The following RNF17 variants were observed in gnomAD, a reference collection of about 807,000 sequenced individuals.
RNF17 encodes spermatogenesis associated 23.
In RNF17, 31 loss-of-function variants were observed where a neutral mutation model predicts 200.5. The ratio of observed to expected loss-of-function variants is 0.15; its 90% CI spans 0.12 to 0.21. RNF17 has a LOEUF of 0.21. Ranked by LOEUF, RNF17 falls within the 10% of genes least tolerant of loss-of-function variation. RNF17 has a pLI of 1.00. For missense variants in RNF17, 1,628 were observed against 1,905.1 expected, an observed-to-expected ratio of 0.85 and a Z score of 2.71; for synonymous variants, 606 against 637.8, an observed-to-expected ratio of 0.95 and a Z score of 0.75.
intron 15 of RNF17, among the ~76,000 whole-genome samples, chr13:24,812,323 T>C (rs905607995): frequency 5.3e-5 from 8 of 151,366 alleles, no homozygotes; most frequent in African/African-American, 1.5e-4. Flanking sequence ...CTCTGAGCCA[T>C]GTGCGGGATA....
rs569639800 is a variant in RNF17, at chr13:24,840,419, G to A, written c.2483-1622G>A. 3.9e-5 allele frequency among the ~76,000 whole-genome samples: 6 copies of A among 152,256 alleles called. No individual in the cohort carries two copies. The East Asian group carries it at 1.2e-3, about 29-fold the overall frequency. On this transcript the variant is annotated intron_variant, in intron 18 of 35. Coordinates refer to ENST00000255324, the MANE Select transcript of RNF17 (RefSeq NM_031277.3). ...AAGTCATTATTCGAAAAAGACACTT[G>A]CACACGCATGTTTATAGCAGCACAA...
At position 24,845,064 on chromosome 13, in the gene RNF17, C is replaced by T. The variant is rs1336764975; in HGVS notation, c.3086C>T (p.Ser1029Phe). 1 of 1,521,092 alleles carries T rather than the reference C, an allele frequency of 6.6e-7. No homozygotes were observed. The highest frequency in any genetic ancestry group is 9.1e-7 in the Non-Finnish European group (1 of 1,097,426). The allele number at this position is 1,521,092 out of a possible 1,614,324, so 94.2% of individuals were successfully genotyped here. ...ATGGGAAGACTCTCTTTGGAATGTT[C>T]TCTGGTTGACATAAGGTAGTTTTTA... Reference protein sequence around the residue: ...KTMGRLSLECSLVDIRPAGGS... With the variant: ...KTMGRLSLECFLVDIRPAGGS... The change falls in exon 22 of 36, where the codon TCT becomes TTT. Residue 1029 changes from serine to phenylalanine, a missense_variant. Ser to Phe is a radical substitution (Grantham distance 155, BLOSUM62 -2). Coordinates refer to ENST00000255324, the MANE Select transcript of RNF17 (RefSeq NM_031277.3).
At chr13:24,861,183 T>G in intron 26 of RNF17, 85 bp from the exon 27 acceptor site, 1 of 1,207,324 alleles carries the variant, frequency 8.3e-7, no homozygotes, top group Non-Finnish European at 1.2e-6. Flanking sequence ...CCGGCCTGTC[T>G]TTTTTTCTAA....
chr13:24,858,710 T>A (rs1892781025), intron 25 of RNF17, among the ~76,000 whole-genome samples: 1 of 152,106 alleles, frequency 6.6e-6, no homozygotes, highest in South Asian at 2.1e-4. Context: ...GTGTCCTATT[T>A]TACTTAGGGC....
intron 15 of RNF17, among the ~76,000 whole-genome samples, chr13:24,822,808 C>G (rs930652258): frequency 1.3e-5 from 2 of 152,226 alleles, no homozygotes; most frequent in Non-Finnish European, 2.9e-5. Flanking sequence ...GTCCCTGATG[C>G]TGTGACACAG....
chr13:24,761,508 G>A (rs1878736678), upstream of RNF17, among the ~76,000 whole-genome samples: 1 of 152,166 alleles, frequency 6.6e-6, no homozygotes, highest in South Asian at 2.1e-4. Context: ...CATTCACTGT[G>A]GGTCAGATGC....
chr13:24,784,770 G>T (rs576862968), intron 6 of RNF17, among the ~76,000 whole-genome samples: 1 of 151,862 alleles, frequency 6.6e-6, no homozygotes, highest in Non-Finnish European at 1.5e-5. Context: ...GCAGTGGCGC[G>T]ACCTCGGCTC....
intron 11 of RNF17, among the ~76,000 whole-genome samples, chr13:24,797,810 G>T (rs1884789340): frequency 6.6e-6 from 1 of 150,988 alleles, no homozygotes; most frequent in African/African-American, 2.4e-5. Context: ...GAGCTGCCTG[G>T]ATGGGCTTCA....
At chr13:24,883,996 A>T, downstream of RNF17, 1 of 1,614,154 alleles carries the variant, frequency 6.2e-7, no homozygotes, top group African/African-American at 1.3e-5. Context: ...ATCTGGGAAA[A>T]TGCTTTCTTC....
chr13:24,748,943 AG>A, the RNF17 span, among the ~76,000 whole-genome samples: 5 of 152,096 alleles, frequency 3.3e-5, no homozygotes, highest in African/African-American at 1.2e-4. Flanking sequence ...TAGTAGAAAC[AG>A]GGTTTCACCA....
chr13:24,748,387 A>C, the RNF17 span, among the ~76,000 whole-genome samples: 1 of 152,356 alleles, frequency 6.6e-6, no homozygotes, highest in African/African-American at 2.4e-5. Flanking sequence ...GTTTGAATAG[A>C]AAATCTACAA....
chr13:24,853,995 A>G lies in RNF17; in HGVS notation c.3461A>G (p.Gln1154Arg). ...AAAACTGCTGACATAATCAGTGAAC[A>G]GAAAGTGTCTGAATTTCAGGAGAAA... ...DKKTADIISEQKVSEFQEKIL... is the reference protein window; with the variant it reads ...DKKTADIISERKVSEFQEKIL... Residue 1154 changes from glutamine (Q) to arginine (R), a missense_variant, in exon 25 of 36, where the codon CAG (glutamine) becomes CGG (arginine). Physicochemically the swap from Gln to Arg is conservative, Grantham distance 43 (BLOSUM62 1). Around this residue, in one of 5 missense-constraint regions of RNF17, gnomAD observed 609 missense variants for 681.9 expected, o/e 0.89. Coordinates refer to ENST00000255324, the MANE Select transcript of RNF17 (RefSeq NM_031277.3). 6.2e-7 allele frequency: 1 copy of G among 1,614,202 alleles called. No individual in the cohort carries two copies.
chr13:24,835,027 C>G (rs549473145), intron 18 of RNF17, among the ~76,000 whole-genome samples: 1 of 152,258 alleles, frequency 6.6e-6, no homozygotes, highest in Admixed American at 6.5e-5. Flanking sequence ...TGCGTGGGCG[C>G]TGGGTGAGGC....
upstream of RNF17, among the ~76,000 whole-genome samples, chr13:24,759,711 AAAGG>A (rs1447787485): frequency 5.3e-5 from 8 of 152,194 alleles, no homozygotes; most frequent in South Asian, 2.1e-4. Flanking sequence ...AGAAAGAAAA[AAAGG>A]AAGGGAGTGA....
chr13:24,811,901 G>C (rs1386794379), intron 15 of RNF17, among the ~76,000 whole-genome samples: 1 of 152,088 alleles, frequency 6.6e-6, no homozygotes, highest in Non-Finnish European at 1.5e-5. Flanking sequence ...GTACCCGGCC[G>C]TGTGAGGTGT....
chr13:24,791,859 A>C (rs894020361), intron 9 of RNF17, among the ~76,000 whole-genome samples: 5 of 152,208 alleles, frequency 3.3e-5, no homozygotes, highest in African/African-American at 9.6e-5. Flanking sequence ...AGAACTGAGG[A>C]GCTAACTTGT....
chr13:24,757,320 T>TC, the RNF17 span, among the ~76,000 whole-genome samples: 18 of 142,620 alleles, frequency 1.3e-4, no homozygotes, highest in Non-Finnish European at 2.8e-4. Context: ...AGGACAATAT[T>TC]CTTTTTTTTT....
Position 24,830,624 on chromosome 13 carries a change from G to A in RNF17, c.2361+25G>A, listed in dbSNP as rs761545651. ...GGTAATTTATTTATTATGAATTCTA[G>A]GGCTAGAATATCAGCACAAATATGG... On this transcript the variant is annotated intron_variant, in intron 17 of 35. Coordinates refer to ENST00000255324, the MANE Select transcript of RNF17 (RefSeq NM_031277.3). The A allele has an allele frequency of 7.1e-6, 10 of 1,404,720 alleles. No homozygotes were observed. In the African/African-American group the frequency reaches 1.1e-4, roughly 16 times the overall value. 87.0% of individuals were successfully genotyped at this position (1,404,720 alleles called of 1,614,324 possible).
chr13:24,807,232 C>T (rs1384042394), intron 15 of RNF17, among the ~76,000 whole-genome samples: 2 of 152,132 alleles, frequency 1.3e-5, no homozygotes, highest in East Asian at 3.9e-4. Flanking sequence ...ACACTGACTT[C>T]CATAATGGTT....
Sources: allele counts gnomAD v4.1 joint callset (sites outside exome capture counted in the v4.1 genomes callset), GRCh38; gene constraint gnomAD v4.1.1; regional missense constraint gnomAD v4.1.1; transcripts MANE v1.5; gene names NCBI Gene and HGNC (gene_info 2026-07-23, HGNC 2026-07-21).